The following LAMA2 variants were observed in gnomAD, a reference collection of about 807,000 sequenced individuals.
LAMA2 encodes the protein laminin subunit alpha 2.
A neutral mutation model predicts 364.8 loss-of-function variants in LAMA2; 269 were observed. That is an observed-to-expected ratio of 0.74 (90% CI 0.67 to 0.82). The LOEUF is 0.82. Among genes scored for constraint, LAMA2 ranks in the 40% least tolerant of loss-of-function variants. The probability of loss-of-function intolerance (pLI) is 0.00; values close to 1 mark genes in which losing one functional copy is unlikely to be tolerated. For synonymous variants in LAMA2, 1,379 were observed against 1,370.6 expected, an observed-to-expected ratio of 1.01 and a Z score of -0.14; for missense variants, 3,807 against 3,873.2, an observed-to-expected ratio of 0.98 and a Z score of 0.45.
chr6:128,987,633 GA>G (rs1783347883), intron 1 of LAMA2, among the ~76,000 whole-genome samples: 1 of 152,160 alleles, frequency 6.6e-6, no homozygotes, highest in African/African-American at 2.4e-5. Context: ...GCTTTGTGGG[GA>G]TATGTCTGGT....
At chr6:129,298,157 G>C (rs1016702552) in intron 21 of LAMA2, among the ~76,000 whole-genome samples, 1 of 32,210 alleles carries the variant, frequency 3.1e-5, no homozygotes, top group Non-Finnish European at 5.3e-5. Flanking sequence ...GCTACGGCTT[G>C]AAAGTTAAAT....
At chr6:128,900,713 C>T (rs1372654650) in intron 1 of LAMA2, among the ~76,000 whole-genome samples, 2 of 152,200 alleles carry the variant, frequency 1.3e-5, no homozygotes, top group Non-Finnish European at 2.9e-5. Flanking sequence ...ATACGCCCTG[C>T]TGCTTTCCTT....
Position 129,403,622 on chromosome 6 carries a change from A to G in LAMA2, c.5727-199A>G, listed in dbSNP as rs899034153. 3.9e-5 allele frequency among the ~76,000 whole-genome samples: 6 copies of G among 152,344 alleles called. No individual in the cohort carries two copies. The East Asian group carries it at 1.2e-3, about 29-fold the overall frequency. ...TTAAGATATGTTGGTAGTATTTCATAGCTGAATTATTAGAAATATAAGTTT... is the reference window on the plus strand; with the variant it reads ...TTAAGATATGTTGGTAGTATTTCATGGCTGAATTATTAGAAATATAAGTTT... On this transcript the variant is annotated intron_variant, in intron 39 of 64. Coordinates refer to ENST00000421865, the MANE Select transcript of LAMA2 (RefSeq NM_000426.4).
At chr6:129,387,162 AT>A (rs947184302) in intron 35 of LAMA2, among the ~76,000 whole-genome samples, 2 of 151,278 alleles carry the variant, frequency 1.3e-5, no homozygotes, top group Non-Finnish European at 2.9e-5. Flanking sequence ...TCATGTTTTT[AT>A]TTTCCTTTTT....
In LAMA2 at chr6:129,353,326, C is replaced by T; in HGVS notation, c.4686C>T (p.His1562=). Residue 1562 remains histidine, a synonymous_variant, in exon 32 of 65, where the codon CAC becomes CAT. Transcript: ENST00000421865. ...GAAGGAAGTGTGACGGCTGCAAGCA[C>T]TGGCATGCACGCGAGGGCTGGGAGT... ...ATGRKCDGCK[H]WHAREGWECV... The T allele has an allele frequency of 6.2e-7, 1 of 1,614,068 alleles. No homozygotes were observed. Among genetic ancestry groups the T allele is most frequent in the South Asian group, 1.1e-5 (1 of 91,064 alleles).
At chr6:129,496,788 T>A (rs1483335098) in intron 58 of LAMA2, among the ~76,000 whole-genome samples, 1 of 152,242 alleles carries the variant, frequency 6.6e-6, no homozygotes, top group Non-Finnish European at 1.5e-5. Context: ...AGAGTTGCTT[T>A]TTCTGCCATA....
chr6:129,444,969 A>T (rs1348527301), intron 44 of LAMA2, among the ~76,000 whole-genome samples: 2 of 152,258 alleles, frequency 1.3e-5, no homozygotes, highest in Non-Finnish European at 2.9e-5. Flanking sequence ...ACCTTCAACT[A>T]TTTTAGGGTT....
At chr6:129,203,469 T>A (rs1370972107) in intron 12 of LAMA2, among the ~76,000 whole-genome samples, 1 of 152,124 alleles carries the variant, frequency 6.6e-6, no homozygotes, top group Non-Finnish European at 1.5e-5. Context: ...TTTACTGTTG[T>A]TGAGTGTTGT....
chr6:128,974,681 C>T (rs912333188), intron 1 of LAMA2, among the ~76,000 whole-genome samples: 1 of 152,076 alleles, frequency 6.6e-6, no homozygotes, highest in African/African-American at 2.4e-5. Flanking sequence ...AGTGTTGTTC[C>T]AGTGGAAATG....
chr6:129,499,273 T>TA (rs1785437672), intron 58 of LAMA2, among the ~76,000 whole-genome samples: 1 of 152,180 alleles, frequency 6.6e-6, no homozygotes, highest in African/African-American at 2.4e-5. Context: ...AATTTTTTTT[T>TA]TTATTATTAT....
chr6:129,279,947 C>T (rs2114390239), intron 17 of LAMA2, 114 bp from the exon 18 acceptor site: 1 of 758,948 alleles, frequency 1.3e-6, no homozygotes, highest in South Asian at 1.5e-5. Flanking sequence ...TGAGAATGAC[C>T]AGCCTGTACT....
intron 2 of LAMA2, among the ~76,000 whole-genome samples, chr6:129,058,959 A>G (rs532680808): frequency 4.0e-4 from 61 of 152,344 alleles, no homozygotes; most frequent in African/African-American, 1.5e-3. Flanking sequence ...GGCCTGGGAC[A>G]AAGTCTGTTG....
chr6:129,200,124 G>C (rs376914088), intron 12 of LAMA2, among the ~76,000 whole-genome samples: 6 of 105,982 alleles, frequency 5.7e-5, no homozygotes, highest in African/African-American at 1.6e-4. Context: ...ATATATATGT[G>C]TATATATATA....
At chr6:129,004,981 C>A (rs1172479501) in intron 1 of LAMA2, among the ~76,000 whole-genome samples, 1 of 152,086 alleles carries the variant, frequency 6.6e-6, no homozygotes, top group African/African-American at 2.4e-5. Flanking sequence ...AGATTCATCA[C>A]TAACTTTCAA....
chr6:129,059,500 C>T (rs1197420610), intron 2 of LAMA2, among the ~76,000 whole-genome samples: 1 of 152,088 alleles, frequency 6.6e-6, no homozygotes, highest in Non-Finnish European at 1.5e-5. Context: ...TCTGTAGTTA[C>T]CTTTAAAATT....
intron 34 of LAMA2, 140 bp downstream of exon 34, chr6:129,370,130 T>A (rs1339321978): frequency 4.1e-6 from 3 of 740,324 alleles, no homozygotes; most frequent in Non-Finnish European, 7.0e-6. Context: ...TCTGACTTGC[T>A]AATTCTGCTT....
intron 12 of LAMA2, among the ~76,000 whole-genome samples, chr6:129,237,473 T>C (rs1785070638): frequency 6.6e-6 from 1 of 151,930 alleles, no homozygotes; most frequent in South Asian, 2.1e-4. Flanking sequence ...GTAGCTGGGA[T>C]TACAGGTGCT....
intron 22 of LAMA2, among the ~76,000 whole-genome samples, chr6:129,304,557 C>T (rs1583454538): frequency 6.6e-6 from 1 of 152,212 alleles, no homozygotes; most frequent in Non-Finnish European, 1.5e-5. Context: ...GCCACCGTGC[C>T]CGGCCAATTG....
chr6:129,018,652 G>A (rs1425862225), intron 1 of LAMA2, among the ~76,000 whole-genome samples: 2 of 151,462 alleles, frequency 1.3e-5, no homozygotes, highest in Admixed American at 6.6e-5. Flanking sequence ...TAAATGATAG[G>A]GTCCTATTCA....
Sources: allele counts gnomAD v4.1 joint callset (sites outside exome capture counted in the v4.1 genomes callset), GRCh38; gene constraint gnomAD v4.1.1; transcripts MANE v1.5; gene names NCBI Gene and HGNC (gene_info 2026-07-23, HGNC 2026-07-21).